Variants in MYBL2 observed in about 807,000 individuals in gnomAD.
MYBL2 encodes the protein MYB proto-oncogene like 2, also known as myb-related protein B.
MYBL2 carries 28 observed loss-of-function variants against 79.9 expected under a neutral mutation model. The observed-to-expected ratio is 0.35, with a 90% CI of 0.26 to 0.48. The LOEUF (loss-of-function observed/expected upper bound fraction) is 0.48, where lower values mean the gene tolerates loss of function less well. Ranked by LOEUF, MYBL2 falls within the 20% of genes least tolerant of loss-of-function variation. The probability of loss-of-function intolerance (pLI) is 0.99; values close to 1 mark genes in which losing one functional copy is unlikely to be tolerated. For missense variants in MYBL2, 735 were observed against 893.9 expected, an observed-to-expected ratio of 0.82 and a Z score of 2.27; for synonymous variants, 378 against 361.2, an observed-to-expected ratio of 1.05 and a Z score of -0.53.
In MYBL2 at chr20:43,673,842, T is replaced by C; in HGVS notation, c.57T>C (p.Asp19=). Residue 19 remains aspartate (D), a synonymous_variant, in exon 2 of 14, where the codon GAT becomes GAC. Transcript: ENST00000217026. ...ATGAGCTGCACTACCAGGACACAGATTCAGATGTGCCGGAGCAGAGGGATA... is the reference window on the plus strand; with the variant it reads ...ATGAGCTGCACTACCAGGACACAGACTCAGATGTGCCGGAGCAGAGGGATA... ...DLDELHYQDT[D]SDVPEQRDSK... 6.4e-7 allele frequency: 1 copy of C among 1,560,464 alleles called. No homozygotes were observed. Among genetic ancestry groups the C allele is most frequent in the Non-Finnish European group, 8.7e-7 (1 of 1,151,190 alleles).
In MYBL2 at chr20:43,710,033, C is replaced by T; in HGVS notation, c.1576C>T (p.Leu526=). 1 of 1,609,988 alleles carries T rather than the reference C, an allele frequency of 6.2e-7. No homozygotes were observed. Among genetic ancestry groups the T allele is most frequent in the East Asian group, 2.2e-5 (1 of 44,784 alleles). ...PHTPTPFKNA[L]EKYGPLKPLP... ...CACGCCAACCCCGTTCAAGAACGCC[C>T]TGGAGAAGTACGGACCCCTGAAGCC... Residue 526 remains leucine, a synonymous_variant, in exon 10 of 14, where the codon CTG becomes TTG. Coordinates refer to ENST00000217026, the MANE Select transcript of MYBL2 (RefSeq NM_002466.4).
At chr20:43,670,969 C>CTTTTTTTT (rs1173103459) in intron 1 of MYBL2, among the ~76,000 whole-genome samples, 1 of 22,204 alleles carries the variant, frequency 4.5e-5, no homozygotes, top group Non-Finnish European at 1.7e-4. Context: ...TCTTTTTTTT[C>CTTTTTTTT]TTTTTTTTTT....
At chr20:43,677,201 A>AC (rs772887735) in intron 2 of MYBL2, among the ~76,000 whole-genome samples, 2 of 152,194 alleles carry the variant, frequency 1.3e-5, no homozygotes, top group African/African-American at 2.4e-5. Flanking sequence ...AATAAACAAG[A>AC]CCAAGTTCCT....
chr20:43,677,209 C>G (rs1333078178), intron 2 of MYBL2, among the ~76,000 whole-genome samples: 3 of 152,202 alleles, frequency 2.0e-5, no homozygotes, highest in Non-Finnish European at 4.4e-5. Context: ...AGACCAAGTT[C>G]CTACCCCAGA....
chr20:43,686,863 G>T lies in MYBL2; in HGVS notation c.291G>T (p.Leu97=). The T allele has an allele frequency of 1.2e-6, 2 of 1,614,116 alleles. No homozygotes were observed. The highest frequency in any genetic ancestry group is 1.7e-6 in the Non-Finnish European group (2 of 1,180,020). Residue 97 remains leucine, a synonymous_variant, in exon 5 of 14, where the codon CTG becomes CTT. Transcript: ENST00000217026. ...TKEEDQKVIE[L]VKKYGTKQWT... The stretch of plus-strand genomic sequence containing the variant: ...GACTTTTCTCTAAGGTCATCGAGCT[G>T]GTTAAGAAGTATGGCACAAAGCAGT...
chr20:43,713,935 G>A (rs1244411714), intron 12 of MYBL2, among the ~76,000 whole-genome samples: 2 of 152,120 alleles, frequency 1.3e-5, no homozygotes, highest in East Asian at 1.9e-4. Context: ...GAGGCATGGC[G>A]GCGTCATGAA....
chr20:43,708,899 T>C lies in MYBL2; in HGVS notation c.1506-1064T>C, dbSNP rs928562929. On this transcript the variant is annotated intron_variant, in intron 9 of 13. Coordinates refer to ENST00000217026, the MANE Select transcript of MYBL2 (RefSeq NM_002466.4). The stretch of plus-strand genomic sequence containing the variant: ...GATGTGTACATTTGACTTGTGCTTA[T>C]CTGTCTTCACTCTTCCTTACAGAGG... Among the ~76,000 whole-genome samples the C allele has an allele frequency of 1.3e-5, 2 of 152,356 alleles. 1 individual carries two copies.
At chr20:43,708,959 G>T (rs994178159) in intron 9 of MYBL2, among the ~76,000 whole-genome samples, 20 of 152,244 alleles carry the variant, frequency 1.3e-4, no homozygotes, top group African/African-American at 4.6e-4. Context: ...GGGATAACAA[G>T]GGTTTGGGAA....
chr20:43,707,341 A>G (rs1987814213), intron 9 of MYBL2, among the ~76,000 whole-genome samples: 1 of 152,128 alleles, frequency 6.6e-6, no homozygotes, highest in South Asian at 2.1e-4. Context: ...TGTCACTACA[A>G]AAGGCATTGA....
rs746826352 is a variant in MYBL2 at position 43,699,935 on chromosome 20, G to C, written c.842G>C (p.Gly281Ala). 5 of 1,614,104 alleles carry C rather than the reference G, an allele frequency of 3.1e-6. No individual in the cohort carries two copies. The highest frequency in any genetic ancestry group is 4.2e-6 in the Non-Finnish European group (5 of 1,180,004). ...EEFPKREDQE[G>A]SPPETSLPYK... Reference sequence around the variant, plus strand: ...TTCCCGAAGCGTGAGGACCAGGAAGGCTCCCCACCAGAAACGAGCCTGCCT... The same window carrying C: ...TTCCCGAAGCGTGAGGACCAGGAAGCCTCCCCACCAGAAACGAGCCTGCCT... The change falls in exon 7 of 14, where the codon GGC becomes GCC. Residue 281 changes from glycine to alanine, a missense_variant. Coordinates refer to ENST00000217026, the MANE Select transcript of MYBL2 (RefSeq NM_002466.4).
chr20:43,715,547 G>A (rs1473023610), intron 13 of MYBL2, among the ~76,000 whole-genome samples: 1 of 152,160 alleles, frequency 6.6e-6, no homozygotes, highest in African/African-American at 2.4e-5. Flanking sequence ...CCCCCATTCT[G>A]CCATTCTCTC....
rs1382227129 is a variant in MYBL2 at position 43,692,290 on chromosome 20, C to G, written c.634C>G (p.Leu212Val). Residue 212 changes from leucine to valine, a missense_variant, in exon 6 of 14, where the codon CTC (leucine) becomes GTC (valine). Leu to Val is a conservative substitution (Grantham distance 32, BLOSUM62 1). Transcript: ENST00000217026. ...LLLELEDKDG[L>V]QSAQPTEGQG... ...GCTGGAGCTCGAGGACAAGGACGGC[C>G]TCCAGAGTGCCCAGCCCACGGAAGG... The G allele has an allele frequency of 9.9e-6, 16 of 1,614,068 alleles. No homozygotes were observed. In the East Asian group the frequency reaches 3.6e-4, roughly 36 times the overall value.
intron 8 of MYBL2, among the ~76,000 whole-genome samples, chr20:43,704,468 A>G (rs1453502370): frequency 6.6e-6 from 1 of 152,232 alleles, no homozygotes; most frequent in Non-Finnish European, 1.5e-5. Flanking sequence ...GAAGGAAGGC[A>G]GCGGGTCCCT....
chr20:43,684,534 C>CTT (rs752809652), intron 4 of MYBL2, among the ~76,000 whole-genome samples: 2,789 of 136,160 alleles, frequency 0.02, 127 homozygotes, highest in African/African-American at 0.072. Flanking sequence ...TGTGCCCGGC[C>CTT]TTTTTTTTTT....
chr20:43,696,515 C>T (rs1254162042), intron 6 of MYBL2, among the ~76,000 whole-genome samples: 4 of 152,266 alleles, frequency 2.6e-5, no homozygotes, highest in Non-Finnish European at 5.9e-5. Flanking sequence ...GCCACCACAC[C>T]AGGCTTAAAA....
chr20:43,692,067 C>T lies in MYBL2; in HGVS notation c.501-90C>T, dbSNP rs1003348065. ...CTAGTGGAAGATTCATTTACAGGAG[C>T]AGGAACTTGGCTTAGGGAGGTTAGT... On this transcript the variant is annotated intron_variant, in intron 5 of 13. Coordinates refer to ENST00000217026, the MANE Select transcript of MYBL2 (RefSeq NM_002466.4). 5.5e-4 allele frequency: 680 copies of T among 1,235,434 alleles called. 5 individuals carry two copies. Among genetic ancestry groups the T allele is most frequent in the Middle Eastern group, 2.0e-3 (7 of 3,564 alleles). The allele number at this position is 1,235,434 out of a possible 1,614,324, so 76.5% of individuals were successfully genotyped here.
intron 11 of MYBL2, 24 bp from the exon 12 acceptor site, chr20:43,712,978 C>T: frequency 1.9e-6 from 3 of 1,576,084 alleles, no homozygotes; most frequent in East Asian, 2.3e-5. Flanking sequence ...TCACCCTAAC[C>T]CCCTTCTATC....
intron 5 of MYBL2, among the ~76,000 whole-genome samples, chr20:43,690,616 G>C (rs1318824947): frequency 6.6e-6 from 1 of 152,216 alleles, no homozygotes; most frequent in Non-Finnish European, 1.5e-5. Context: ...TGAAGGCTTA[G>C]AGTGCAAATG....
At chr20:43,675,935 C>T (rs76044960) in intron 2 of MYBL2, among the ~76,000 whole-genome samples, 1,672 of 144,416 alleles carry the variant, frequency 0.012, 24 homozygotes, top group African/African-American at 0.032. Context: ...AAGGCAGTCT[C>T]TCTCTGTTGC....
Sources: gnomAD v4.1 joint callset for allele counts (sites outside exome capture counted in the v4.1 genomes callset) on GRCh38, gnomAD v4.1.1 for gene constraint, MANE v1.5 for transcripts, NCBI Gene and HGNC (gene_info 2026-07-23, HGNC 2026-07-21) for gene names.